DCHS2: variants seen among roughly 807,000 people sequenced by gnomAD.
DCHS2 encodes protocadherin-23.
A neutral mutation model predicts 182.4 loss-of-function variants in DCHS2; 142 were observed. The observed-to-expected ratio is 0.78, with a 90% CI of 0.68 to 0.89. DCHS2 has a LOEUF of 0.89. DCHS2 is among the 40% of genes least tolerant of loss of function. DCHS2 has a pLI of 0.00. For synonymous variants in DCHS2, 1,740 were observed against 1,663.3 expected (o/e 1.05, Z -1.12); for missense variants, 4,319 against 4,198.6 (o/e 1.03, Z -0.79).
chr4:154,385,358 A>G (rs1258601207), intron 1 of DCHS2, among the ~76,000 whole-genome samples: 3 of 152,088 alleles, frequency 2.0e-5, no homozygotes, highest in Non-Finnish European at 2.9e-5. Flanking sequence ...AGTCTTTGCT[A>G]TTGTGAATAG....
intron 3 of DCHS2, among the ~76,000 whole-genome samples, chr4:154,359,817 ACTGAGTTCT>A (rs759948310): frequency 2.0e-5 from 3 of 152,054 alleles, no homozygotes; most frequent in Non-Finnish European, 4.4e-5. Flanking sequence ...GGAAAAGTCC[ACTGAGTTCT>A]ACTTACTCAA....
At chr4:154,335,359 C>T (rs1482375238) in intron 3 of DCHS2, among the ~76,000 whole-genome samples, 2 of 152,170 alleles carry the variant, frequency 1.3e-5, no homozygotes, top group Non-Finnish European at 2.9e-5. Context: ...CTGGTCCAAT[C>T]CACTGAAGGC....
Position 154,298,438 on chromosome 4 carries a change from T to A in DCHS2, c.5876A>T (p.Asp1959Val). 6.2e-7 allele frequency: 1 copy of A among 1,614,174 alleles called. No homozygotes were observed. The highest frequency in any genetic ancestry group is 8.5e-7 in the Non-Finnish European group (1 of 1,180,012). Residue 1959 changes from aspartate (D) to valine (V), a missense_variant, in exon 13 of 20, where the codon GAC (aspartate) becomes GTC (valine). Coordinates refer to ENST00000357232, the MANE Select transcript of DCHS2 (RefSeq NM_001358235.2). Reference sequence around the variant, plus strand: ...TTGCCCATTCAGGCCTTCATCCTTGTCCACAGCTGAAAGCACAAGAACCAC... The same window carrying A: ...TTGCCCATTCAGGCCTTCATCCTTGACCACAGCTGAAAGCACAAGAACCAC... ...GTVVLVLSAV[D>V]KDEGLNGQTE...
intron 9 of DCHS2, among the ~76,000 whole-genome samples, chr4:154,318,080 G>A (rs1423498252): frequency 1.3e-5 from 2 of 152,036 alleles, no homozygotes; most frequent in African/African-American, 4.8e-5. Flanking sequence ...CTCACAATGG[G>A]GGCAAAGAAG....
chr4:154,300,927 G>C (rs376231487), intron 12 of DCHS2, among the ~76,000 whole-genome samples: 1 of 152,122 alleles, frequency 6.6e-6, no homozygotes, highest in African/African-American at 2.4e-5. Context: ...TAAAATGAGG[G>C]CTGAGTACAG....
chr4:154,452,339 A>C (rs1734567721), intron 1 of DCHS2, among the ~76,000 whole-genome samples: 1 of 152,176 alleles, frequency 6.6e-6, no homozygotes, highest in African/African-American at 2.4e-5. Flanking sequence ...CCTACTAAAG[A>C]AGCTTTAAAA....
chr4:154,277,964 G>A lies in DCHS2; in HGVS notation c.6464-7951C>T, dbSNP rs191100816. On this transcript the variant is annotated intron_variant, in intron 13 of 19. Transcript: ENST00000357232. ...GCTGAGGCAGGAGAATCGCTGGAAC[G>A]CAGGAGGCAGAGGCTACAGTGAGCC... Among the ~76,000 whole-genome samples, 375 of 151,318 alleles carry A rather than the reference G, an allele frequency of 2.5e-3. 2 individuals carry two copies. Among genetic ancestry groups the A allele is most frequent in the Non-Finnish European group, 3.8e-3 (261 of 67,836 alleles).
At chr4:154,259,097 A>G (rs1434099741) in intron 15 of DCHS2, among the ~76,000 whole-genome samples, 8 of 152,138 alleles carry the variant, frequency 5.3e-5, no homozygotes, top group Non-Finnish European at 1.0e-4. Flanking sequence ...GGGGCCTTTT[A>G]CTGAGATGGG....
chr4:154,324,236 C>G (rs1376560279), intron 7 of DCHS2, among the ~76,000 whole-genome samples: 1 of 152,160 alleles, frequency 6.6e-6, no homozygotes, highest in African/African-American at 2.4e-5. Flanking sequence ...CAAACTGTCC[C>G]ATCACCAAAC....
At chr4:154,269,604 C>G (rs1204913894) in intron 14 of DCHS2, 1 of 252,072 alleles carries the variant, frequency 4.0e-6, no homozygotes, top group East Asian at 1.3e-4. Context: ...TCTCACTACT[C>G]TATCTCCAAT....
At chr4:154,350,239 T>C (rs1176621858) in intron 3 of DCHS2, among the ~76,000 whole-genome samples, 1 of 152,190 alleles carries the variant, frequency 6.6e-6, no homozygotes, top group Non-Finnish European at 1.5e-5. Flanking sequence ...CAAGACATAT[T>C]ACCCTGAATT....
rs372086117 is a variant in DCHS2, at chr4:154,236,228, A to G, written c.8424T>C (p.Ile2808=). Residue 2808 remains isoleucine (I), a synonymous_variant, in exon 20 of 20, where the codon ATT becomes ATC. Coordinates refer to ENST00000357232, the MANE Select transcript of DCHS2 (RefSeq NM_001358235.2). ...CATGAGTGAGAAAACAGGGTGATAC[A>G]ATAGAATAGGTCAATTCTCCATACG... The part of the protein sequence containing the change: ...AGPYGELTYS[I]VSPCFLTHGM... 3.1e-6 allele frequency: 5 copies of G among 1,613,900 alleles called. No individual in the cohort carries two copies. In the African/African-American group the frequency reaches 5.3e-5, roughly 17 times the overall value.
chr4:154,359,423 C>A (rs1342527096), intron 3 of DCHS2, among the ~76,000 whole-genome samples: 3 of 151,836 alleles, frequency 2.0e-5, no homozygotes, highest in African/African-American at 7.2e-5. Flanking sequence ...ACCAAGGTAG[C>A]AATTCATAAT....
chr4:154,339,351 T>C (rs1728955690), intron 3 of DCHS2, among the ~76,000 whole-genome samples: 1 of 152,052 alleles, frequency 6.6e-6, no homozygotes, highest in Non-Finnish European at 1.5e-5. Flanking sequence ...CAAATGAAAA[T>C]CCACCCACAG....
intron 14 of DCHS2, among the ~76,000 whole-genome samples, chr4:154,265,435 A>G (rs1195763296): frequency 3.3e-5 from 5 of 152,212 alleles, no homozygotes; most frequent in Middle Eastern, 3.2e-3. Flanking sequence ...GTAAAAGTAA[A>G]TGACATATTG....
intron 1 of DCHS2, among the ~76,000 whole-genome samples, chr4:154,424,601 T>C (rs1733247151): frequency 6.6e-6 from 1 of 152,168 alleles, no homozygotes; most frequent in Non-Finnish European, 1.5e-5. Flanking sequence ...ATCTCTTGGA[T>C]TTTAGAATAA....
chr4:154,244,350 A>G (rs1173718828), intron 16 of DCHS2, among the ~76,000 whole-genome samples: 2 of 152,182 alleles, frequency 1.3e-5, no homozygotes, highest in Non-Finnish European at 2.9e-5. Context: ...CTTGTTGAAC[A>G]TACCTCTCTT....
chr4:154,445,094 C>G (rs753550359), intron 1 of DCHS2, among the ~76,000 whole-genome samples: 44 of 152,292 alleles, frequency 2.9e-4, no homozygotes, highest in Non-Finnish European at 5.4e-4. Flanking sequence ...TCTCCTCACC[C>G]TGCTTTAATT....
intron 1 of DCHS2, among the ~76,000 whole-genome samples, chr4:154,443,955 AT>A (rs929427398): frequency 1.3e-5 from 2 of 152,298 alleles, no homozygotes; most frequent in African/African-American, 2.4e-5. Flanking sequence ...GACAGAATTG[AT>A]CACTTGCTGA....
Sources: allele counts gnomAD v4.1 joint callset (sites outside exome capture counted in the v4.1 genomes callset), GRCh38; gene constraint gnomAD v4.1.1; transcripts MANE v1.5; gene names NCBI Gene and HGNC (gene_info 2026-07-23, HGNC 2026-07-21).